The following DLGAP5 variants were observed in gnomAD, a reference collection of about 807,000 sequenced individuals.
The protein encoded by DLGAP5 is DLG associated protein 5, also known as disks large-associated protein 5.
DLGAP5 carries 90 observed loss-of-function variants against 99.6 expected under a neutral mutation model. The observed-to-expected ratio is 0.90, with a 90% CI of 0.76 to 1.08. DLGAP5 has a LOEUF of 1.08. Ranked by LOEUF, DLGAP5 falls within the 50% of genes least tolerant of loss-of-function variation. The pLI, the probability that DLGAP5 is intolerant of heterozygous loss-of-function variation, is 0.00. For missense variants in DLGAP5, 1,036 were observed against 983.5 expected (o/e 1.05, Z -0.71); for synonymous variants, 311 against 321.3 (o/e 0.97, Z 0.34).
At chr14:55,165,487 C>T (rs980546405) in intron 12 of DLGAP5, among the ~76,000 whole-genome samples, 2 of 151,896 alleles carry the variant, frequency 1.3e-5, no homozygotes, top group Admixed American at 6.6e-5. Flanking sequence ...TGTGCCAATG[C>T]ACTCCAGCCT....
chr14:55,166,875 T>C (rs1332959847), intron 12 of DLGAP5, among the ~76,000 whole-genome samples: 2 of 148,702 alleles, frequency 1.3e-5, no homozygotes, highest in Non-Finnish European at 3.0e-5. Context: ...AGCTCTTTTG[T>C]GTTTAAAAAA....
intron 2 of DLGAP5, 30 bp downstream of exon 2, chr14:55,188,912 T>G (rs778228269): frequency 2.6e-6 from 4 of 1,564,964 alleles, no homozygotes; most frequent in Non-Finnish European, 3.5e-6. Context: ...CTCTTCAAAG[T>G]ACTTAAAATT....
chr14:55,176,017 C>G lies in DLGAP5; in HGVS notation c.1051G>C (p.Asp351His). The change falls in exon 9 of 19, where the codon GAT becomes CAT. Residue 351 changes from aspartate to histidine, a missense_variant and splice_region_variant. Transcript: ENST00000247191. The part of the protein sequence containing the change: ...YTWTPLKTEV[D>H]ESQATKEILA... Reference sequence around the variant, plus strand: ...ATTTCTTTTGTTGCTTGAGACTCATCACTAAAAACAATAGCAAAAATATAC... The same window carrying G: ...ATTTCTTTTGTTGCTTGAGACTCATGACTAAAAACAATAGCAAAAATATAC... 6.2e-7 allele frequency: 1 copy of G among 1,600,588 alleles called. No individual in the cohort carries two copies. Among genetic ancestry groups the G allele is most frequent in the Non-Finnish European group, 8.5e-7 (1 of 1,172,936 alleles).
chr14:55,176,321 G>A (rs1883061169), intron 8 of DLGAP5, among the ~76,000 whole-genome samples: 1 of 152,136 alleles, frequency 6.6e-6, no homozygotes, highest in African/African-American at 2.4e-5. Flanking sequence ...TTTGCAAAAT[G>A]ATCTTGCCTT....
intron 11 of DLGAP5, among the ~76,000 whole-genome samples, chr14:55,170,198 A>G (rs1165347437): frequency 1.3e-5 from 2 of 151,936 alleles, no homozygotes; most frequent in African/African-American, 4.8e-5. Context: ...CTCACTGCAA[A>G]TAATTATCTA....
chr14:55,162,528 A>C (rs1444602551), intron 13 of DLGAP5, among the ~76,000 whole-genome samples: 1 of 151,960 alleles, frequency 6.6e-6, no homozygotes, highest in Non-Finnish European at 1.5e-5. Flanking sequence ...CTGAGGCAGG[A>C]GAATGGCGTG....
rs1254703747 is a variant in DLGAP5, at chr14:55,175,950, T to G, written c.1118A>C (p.Gln373Pro). ...ACATGGCAATTTATTTGAATCTTGC[T>G]GTATTGTCTTGGTAGAGTAAGTTTT... is the stretch of plus-strand genomic sequence containing the variant. Reference protein sequence around the residue: ...KCKTYSTKTIQQDSNKLPCPL... With the variant: ...KCKTYSTKTIPQDSNKLPCPL... Residue 373 changes from glutamine to proline, a missense_variant, in exon 9 of 19, where the codon CAG becomes CCG. Gln to Pro is a moderately conservative substitution (Grantham distance 76, BLOSUM62 -1). Transcript: ENST00000247191. 1 of 1,610,234 alleles carries G rather than the reference T, an allele frequency of 6.2e-7. No homozygotes were observed. The highest frequency in any genetic ancestry group is 2.2e-5 in the East Asian group (1 of 44,760).
intron 13 of DLGAP5, 120 bp downstream of exon 13, chr14:55,162,851 C>A: frequency 2.1e-6 from 1 of 478,708 alleles, no homozygotes; most frequent in East Asian, 3.3e-5. Flanking sequence ...AAATCTAAAC[C>A]TAAATGTTTT....
intron 16 of DLGAP5, among the ~76,000 whole-genome samples, 167 bp downstream of exon 16, chr14:55,152,423 A>G (rs1482668003): frequency 6.6e-6 from 1 of 152,258 alleles, no homozygotes; most frequent in South Asian, 2.1e-4. Context: ...ACAAAATGAC[A>G]CTATGGTTTT....
At position 55,183,627 on chromosome 14, in the gene DLGAP5, C is replaced by G. The variant is rs369464956; in HGVS notation, c.365G>C (p.Arg122Pro). ...AAAACAAGGCATATCAGGTCTATAA[C>G]GACCCACTTTAAATATTCCTCGTTT... ...KAKRGIFKVG[R>P]YRPDMPCFLL... Residue 122 changes from arginine to proline, a missense_variant, in exon 3 of 19, where the codon CGT becomes CCT. Physicochemically the swap from Arg to Pro is moderately radical, Grantham distance 103. Transcript: ENST00000247191. 1 of 1,609,696 alleles carries G rather than the reference C, an allele frequency of 6.2e-7. No individual in the cohort carries two copies. Among genetic ancestry groups the G allele is most frequent in the Non-Finnish European group, 8.5e-7 (1 of 1,178,864 alleles).
In DLGAP5 at chr14:55,166,317, T is replaced by C. The variant is rs566836663; in HGVS notation, c.1548+3082A>G. 1.8e-3 allele frequency among the ~76,000 whole-genome samples: 280 copies of C among 152,312 alleles called. 1 individual carries two copies. The highest frequency in any genetic ancestry group is 6.4e-3 in the African/African-American group (266 of 41,562). The stretch of plus-strand genomic sequence containing the variant: ...ACCATAAGGTATGATTCTATTTATA[T>C]GAAATATCCCAAAAAAAGGCAAATC... On this transcript the variant is annotated intron_variant, in intron 12 of 18. Transcript: ENST00000247191.
rs895075639 is a variant in DLGAP5, at chr14:55,151,853, A to G, written c.2210T>C (p.Ile737Thr). The G allele has an allele frequency of 2.5e-6, 4 of 1,613,950 alleles. No homozygotes were observed. Among genetic ancestry groups the G allele is most frequent in the African/African-American group, 1.3e-5 (1 of 75,020 alleles). ...AATTCCTTCTTTTTTGTTAGTATTA[A>G]TATCATCTGCTACTCCACCAGCAAG... is the stretch of plus-strand genomic sequence containing the variant. ...PLLAGGVADD[I>T]NTNKKEGISD... The change falls in exon 17 of 19, where the codon ATT becomes ACT. Residue 737 changes from isoleucine (I) to threonine (T), a missense_variant. By Grantham distance (89) the Ile-to-Thr change is moderately conservative. Transcript: ENST00000247191.
Position 55,151,700 on chromosome 14 carries a change from T to A in DLGAP5, c.2363A>T (p.Gln788Leu), listed in dbSNP as rs200229455. 9.5e-5 allele frequency: 153 copies of A among 1,612,358 alleles called. No homozygotes were observed. Among genetic ancestry groups the A allele is most frequent in the Non-Finnish European group, 1.1e-4 (135 of 1,179,470 alleles). ...ILEEGETKIS[Q>L]SELFDNKSLT... ...ATATATTTTAAATATCTCACCTGAC[T>A]GAGAAATTTTAGTTTCCCCTTCTTC... Residue 788 changes from glutamine (Q) to leucine (L), a missense_variant, in exon 17 of 19, where the codon CAG becomes CTG. Coordinates refer to ENST00000247191, the MANE Select transcript of DLGAP5 (RefSeq NM_014750.5).
At chr14:55,154,558 C>G in intron 15 of DLGAP5, 59 bp downstream of exon 15, 2 of 1,392,466 alleles carry the variant, frequency 1.4e-6, no homozygotes, top group Non-Finnish European at 2.0e-6. Flanking sequence ...TCTTAACAAT[C>G]TGAAATGGTA....
intron 1 of DLGAP5, 32 bp from the exon 2 acceptor site, chr14:55,189,212 A>G (rs752403253): frequency 3.3e-6 from 5 of 1,520,280 alleles, no homozygotes; most frequent in South Asian, 1.2e-5. Context: ...CCCAACTTAC[A>G]TGAATTTTCA....
At position 55,158,616 on chromosome 14, in the gene DLGAP5, A is replaced by C. The variant is rs1882295179; in HGVS notation, c.1779T>G (p.Ala593=). The change falls in exon 14 of 19, where the codon GCT becomes GCG. Residue 593 remains alanine, a synonymous_variant. Transcript: ENST00000247191. ...TTGGTATCACAGAAACTGCTGTTTC[A>C]GCACATTCTTCCTGCCTAATTCTCT... ...MRERIRQEEC[A]ETAVSVIPKE... The C allele has an allele frequency of 6.2e-7, 1 of 1,614,060 alleles. No homozygotes were observed. The highest frequency in any genetic ancestry group is 8.5e-7 in the Non-Finnish European group (1 of 1,180,026).
At chr14:55,172,846 G>C (rs932190073) in intron 10 of DLGAP5, among the ~76,000 whole-genome samples, 1 of 151,778 alleles carries the variant, frequency 6.6e-6, no homozygotes, top group African/African-American at 2.4e-5. Flanking sequence ...GCTGGGTGTG[G>C]TGGCACACGC....
chr14:55,153,213 T>G (rs539193960), intron 15 of DLGAP5, among the ~76,000 whole-genome samples: 91 of 152,284 alleles, frequency 6.0e-4, no homozygotes, highest in South Asian at 3.7e-3. Flanking sequence ...TACAAGGTAT[T>G]CTAATCCTGA....
At chr14:55,183,041 A>T (rs996012733) in intron 3 of DLGAP5, among the ~76,000 whole-genome samples, 1 of 151,902 alleles carries the variant, frequency 6.6e-6, no homozygotes, top group African/African-American at 2.4e-5. Flanking sequence ...CTGCTTTTTC[A>T]ATTTCCTTTA....
Sources: allele counts gnomAD v4.1 joint callset (sites outside exome capture counted in the v4.1 genomes callset), GRCh38; gene constraint gnomAD v4.1.1; transcripts MANE v1.5; gene names NCBI Gene and HGNC (gene_info 2026-07-23, HGNC 2026-07-21).